CAPS2: variants seen among roughly 807,000 people sequenced by gnomAD.
CAPS2 encodes calcyphosin-2.
In CAPS2, 98 loss-of-function variants were observed where a neutral mutation model predicts 86.5. The observed-to-expected ratio is 1.13, with a 90% CI of 0.96 to 1.34. The LOEUF (loss-of-function observed/expected upper bound fraction) is 1.34. Ranked by LOEUF, CAPS2 falls within the 40% of genes most tolerant of loss-of-function variation. CAPS2 has a pLI of 0.00. For missense variants in CAPS2, 729 were observed against 686.8 expected (o/e 1.06, Z -0.69); for synonymous variants, 210 against 225.1 (o/e 0.93, Z 0.60).
chr12:75,310,941 TC>T (rs375585631), intron 7 of CAPS2, among the ~76,000 whole-genome samples: 126 of 152,256 alleles, frequency 8.3e-4, no homozygotes, highest in African/African-American at 2.9e-3. Flanking sequence ...TTGCTTTTGC[TC>T]ATATACAACT....
chr12:75,301,127 C>T (rs1380778942), intron 8 of CAPS2, among the ~76,000 whole-genome samples: 1 of 152,156 alleles, frequency 6.6e-6, no homozygotes, highest in East Asian at 1.9e-4. Context: ...CCAATAATCT[C>T]CTTTATATTA....
intron 1 of CAPS2, among the ~76,000 whole-genome samples, chr12:75,367,981 C>T (rs1325856036): frequency 6.6e-6 from 1 of 152,036 alleles, no homozygotes; most frequent in Non-Finnish European, 1.5e-5. Flanking sequence ...CCTTATTTTG[C>T]TGAGTTTTTA....
chr12:75,292,135 C>G (rs1281916921), intron 12 of CAPS2, among the ~76,000 whole-genome samples: 1 of 152,044 alleles, frequency 6.6e-6, no homozygotes, highest in Non-Finnish European at 1.5e-5. Context: ...GGCGAGATCT[C>G]GGCTCACTGC....
intron 7 of CAPS2, 179 bp from the exon 8 acceptor site, chr12:75,305,055 A>G (rs756195602): frequency 4.4e-6 from 2 of 455,862 alleles, no homozygotes; most frequent in Non-Finnish European, 7.2e-6. Flanking sequence ...AAATATTCCT[A>G]TCTCTTTTTC....
intron 1 of CAPS2, among the ~76,000 whole-genome samples, chr12:75,358,998 CAG>C (rs2043360779): frequency 6.7e-6 from 1 of 148,700 alleles, no homozygotes; most frequent in Non-Finnish European, 1.5e-5. Flanking sequence ...TATAGAAAAA[CAG>C]ACCATAGGAC....
At chr12:75,367,755 C>T (rs531839729) in intron 1 of CAPS2, among the ~76,000 whole-genome samples, 11 of 151,930 alleles carry the variant, frequency 7.2e-5, no homozygotes, top group East Asian at 1.9e-4. Context: ...AAAAATAATG[C>T]GTTTTGTTCT....
chr12:75,318,548 C>G (rs1054158879), intron 5 of CAPS2, among the ~76,000 whole-genome samples: 1 of 152,054 alleles, frequency 6.6e-6, no homozygotes, highest in Non-Finnish European at 1.5e-5. Context: ...CTCAATATTT[C>G]TTAAACACTC....
chr12:75,283,040 G>A (rs1488803258), intron 15 of CAPS2, among the ~76,000 whole-genome samples: 2 of 152,052 alleles, frequency 1.3e-5, no homozygotes, highest in East Asian at 1.9e-4. Flanking sequence ...TTGCCAAGAC[G>A]AATATTTTAA....
chr12:75,304,687 C>T (rs2038228909), intron 8 of CAPS2, 70 bp downstream of exon 8: 2 of 1,182,160 alleles, frequency 1.7e-6, no homozygotes, highest in African/African-American at 3.1e-5. Context: ...CAGCTAGACA[C>T]AGAAGTACAT....
upstream of CAPS2, chr12:75,334,837 T>G: frequency 6.2e-7 from 1 of 1,614,118 alleles, no homozygotes; most frequent in Non-Finnish European, 8.5e-7. Context: ...TATAGACAAC[T>G]GCATAGAAGC....
rs1202525956 is a variant in CAPS2, at chr12:75,355,566, A to G, written c.-394-32344T>C. Among the ~76,000 whole-genome samples the G allele has an allele frequency of 3.9e-5, 6 of 152,282 alleles. No homozygotes were observed. In the East Asian group the frequency reaches 9.6e-4, roughly 24 times the overall value. ...TAGTCAAACCATTGTAGAAGACACT[A>G]TGGTAATTCCTCAAAGATCTAGAAC... On this transcript the variant is annotated intron_variant, in intron 1 of 5. Coordinates refer to the CAPS2 transcript ENST00000551829.
intron 7 of CAPS2, chr12:75,305,670 C>T: frequency 3.1e-6 from 2 of 649,870 alleles, no homozygotes; most frequent in Non-Finnish European, 2.9e-6. Context: ...GCCCCTAGCA[C>T]TGCCCAGTCT....
rs751660895 is a variant in CAPS2 at position 75,343,981 on chromosome 12, T to G, written c.-394-20759A>C. The G allele has an allele frequency of 1.4e-5, 21 of 1,479,032 alleles. No individual in the cohort carries two copies. In the Middle Eastern group the frequency reaches 7.1e-4, roughly 50 times the overall value. The allele number at this position is 1,479,032 out of a possible 1,614,324, so 91.6% of individuals were successfully genotyped here. On this transcript the variant is annotated intron_variant, in intron 1 of 5. Transcript: ENST00000551829. ...TTATTGATTAGTTCTTATTTGTGCA[T>G]ATTTTAATTGCCAGAATTTATTTCT... is the stretch of plus-strand genomic sequence containing the variant.
intron 5 of CAPS2, among the ~76,000 whole-genome samples, chr12:75,318,504 C>G (rs1032456704): frequency 3.3e-5 from 5 of 152,106 alleles, no homozygotes; most frequent in African/African-American, 1.2e-4. Flanking sequence ...TTCCTTCTCT[C>G]CCTTGCTCTC....
intron 11 of CAPS2, among the ~76,000 whole-genome samples, chr12:75,294,657 C>A (rs1329435251): frequency 1.3e-5 from 2 of 152,150 alleles, no homozygotes; most frequent in Non-Finnish European, 2.9e-5. Flanking sequence ...GATAGTCACT[C>A]TAATTACCAG....
intron 1 of CAPS2, among the ~76,000 whole-genome samples, chr12:75,361,200 A>C (rs1318716846): frequency 6.7e-6 from 1 of 149,188 alleles, no homozygotes; most frequent in African/African-American, 2.6e-5. Context: ...TTGGTATGCC[A>C]AAAAAAATAA....
At chr12:75,278,571 T>G in exon 17 of CAPS2, 1 of 1,016,978 alleles carries the variant, frequency 9.8e-7, no homozygotes, top group Non-Finnish European at 1.2e-6. Flanking sequence ...GTAACTTTCC[T>G]ACTGAAGTTA....
At chr12:75,316,537 T>A in intron 5 of CAPS2, 103 bp from the exon 6 acceptor site, 1 of 1,043,594 alleles carries the variant, frequency 9.6e-7, no homozygotes. Context: ...AGTGACTATT[T>A]GTACAACAGT....
chr12:75,366,851 T>C, intron 1 of CAPS2: 1 of 700,800 alleles, frequency 1.4e-6, no homozygotes. Flanking sequence ...TATGCATTTC[T>C]TGAATGAGTC....
Sources: gnomAD v4.1 joint callset for allele counts (sites outside exome capture counted in the v4.1 genomes callset) on GRCh38, gnomAD v4.1.1 for gene constraint, MANE v1.5 for transcripts, NCBI Gene and HGNC (gene_info 2026-07-23, HGNC 2026-07-21) for gene names.